Variants in VPS13A observed in about 807,000 individuals in gnomAD.
VPS13A encodes the protein vacuolar protein sorting 13 homolog A.
VPS13A carries 264 observed loss-of-function variants against 390.9 expected under a neutral mutation model. The observed-to-expected ratio is 0.68, with a 90% CI of 0.61 to 0.75. VPS13A has a LOEUF of 0.75. Among genes scored for constraint, VPS13A ranks in the 30% least tolerant of loss-of-function variants. The probability of loss-of-function intolerance (pLI) is 0.00; values close to 1 mark genes in which losing one functional copy is unlikely to be tolerated. For missense variants in VPS13A, 3,409 were observed against 3,733.9 expected, an observed-to-expected ratio of 0.91 and a Z score of 2.27; for synonymous variants, 1,231 against 1,227.1, an observed-to-expected ratio of 1.00 and a Z score of -0.07.
At chr9:77,399,396 C>A (rs1251099534) in intron 68 of VPS13A, among the ~76,000 whole-genome samples, 1 of 151,998 alleles carries the variant, frequency 6.6e-6, no homozygotes, top group Non-Finnish European at 1.5e-5. Flanking sequence ...CTTATATGCA[C>A]AGATTAGATT....
At chr9:77,178,995 A>G (rs1349179520) in intron 1 of VPS13A, among the ~76,000 whole-genome samples, 1 of 152,202 alleles carries the variant, frequency 6.6e-6, no homozygotes, top group Non-Finnish European at 1.5e-5. Context: ...GAGTGAGTGG[A>G]CTACAAAAGC....
intron 47 of VPS13A, chr9:77,337,783 A>G: frequency 2.5e-6 from 1 of 403,172 alleles, no homozygotes. Flanking sequence ...TGATTTTCTT[A>G]AAAGATTGTA....
chr9:77,299,239 C>T (rs1347648511), intron 33 of VPS13A, among the ~76,000 whole-genome samples: 2 of 152,172 alleles, frequency 1.3e-5, no homozygotes, highest in East Asian at 1.9e-4. Context: ...CTTGGCTATA[C>T]GGGCTCTTTT....
At chr9:77,341,744 A>T (rs1054982416) in intron 50 of VPS13A, among the ~76,000 whole-genome samples, 1 of 67,380 alleles carries the variant, frequency 1.5e-5, no homozygotes. Flanking sequence ...CTGAACTACT[A>T]TTTAAGTCTT....
In VPS13A at chr9:77,315,118, A is replaced by T. The variant is rs1365742234; in HGVS notation, c.4413-135A>T. 11 of 755,676 alleles carry T rather than the reference A, an allele frequency of 1.5e-5. No homozygotes were observed. In the East Asian group the frequency reaches 2.4e-4, roughly 16 times the overall value. 46.8% of individuals were successfully genotyped at this position (755,676 alleles called of 1,614,324 possible). On this transcript the variant is annotated intron_variant, in intron 37 of 71. Transcript: ENST00000360280. ...GTTTGTTATTTGGAACACTTTATGG[A>T]TCTTCCCAAGAGACATGACTTCAGA...
intron 11 of VPS13A, 24 bp from the exon 12 acceptor site, chr9:77,220,253 G>C: frequency 6.3e-7 from 1 of 1,590,190 alleles, no homozygotes; most frequent in Non-Finnish European, 8.6e-7. Flanking sequence ...ATACATTTAA[G>C]AGCTTTAATT....
chr9:77,306,931 G>A (rs1442091391), intron 34 of VPS13A, among the ~76,000 whole-genome samples: 1 of 137,988 alleles, frequency 7.2e-6, no homozygotes. Flanking sequence ...TTTTTTTTGA[G>A]ACAGAGTCTC....
intron 29 of VPS13A, among the ~76,000 whole-genome samples, chr9:77,282,932 G>A (rs999668035): frequency 2.0e-5 from 3 of 151,390 alleles, no homozygotes; most frequent in Non-Finnish European, 2.9e-5. Flanking sequence ...CTCCATCCTG[G>A]GTAACAGAGA....
At chr9:77,212,240 C>A (rs1039466213) in intron 7 of VPS13A, among the ~76,000 whole-genome samples, 1 of 152,106 alleles carries the variant, frequency 6.6e-6, no homozygotes, top group Admixed American at 6.5e-5. Context: ...TTTAAACCGA[C>A]CCCAGGCAAT....
chr9:77,281,755 A>ATATG, intron 27 of VPS13A, 112 bp from the exon 28 acceptor site: 1 of 598,994 alleles, frequency 1.7e-6, no homozygotes, highest in Non-Finnish European at 3.0e-6. Flanking sequence ...ATATATATAT[A>ATATG]TATGTATATG....
chr9:77,231,978 G>A (rs894693996), intron 17 of VPS13A, among the ~76,000 whole-genome samples: 30 of 152,214 alleles, frequency 2.0e-4, no homozygotes, highest in African/African-American at 7.2e-4. Context: ...GGATATCCCG[G>A]TGTCCCCTCA....
chr9:77,207,485 G>T (rs1825749780), intron 5 of VPS13A, among the ~76,000 whole-genome samples: 1 of 149,740 alleles, frequency 6.7e-6, no homozygotes, highest in Non-Finnish European at 1.5e-5. Flanking sequence ...CACATTTTTG[G>T]TTAAATCAGA....
At chr9:77,207,146 G>C (rs1825680255) in intron 5 of VPS13A, among the ~76,000 whole-genome samples, 1 of 136,208 alleles carries the variant, frequency 7.3e-6, no homozygotes, top group Non-Finnish European at 1.6e-5. Context: ...AACTGTTCCT[G>C]GCCCAGGCCC....
chr9:77,286,872 C>T (rs1827352639), intron 31 of VPS13A, among the ~76,000 whole-genome samples: 1 of 152,076 alleles, frequency 6.6e-6, no homozygotes, highest in Non-Finnish European at 1.5e-5. Context: ...GTGGAGGCCT[C>T]ATCATTTAGT....
At chr9:77,278,228 G>A (rs1001353719) in intron 26 of VPS13A, among the ~76,000 whole-genome samples, 6 of 143,168 alleles carry the variant, frequency 4.2e-5, no homozygotes, top group East Asian at 2.1e-4. Context: ...CCGCCACCAC[G>A]CCCAGCTAAT....
chr9:77,346,661 C>T (rs895010400), intron 52 of VPS13A, among the ~76,000 whole-genome samples: 11 of 152,280 alleles, frequency 7.2e-5, no homozygotes, highest in African/African-American at 2.4e-4. Flanking sequence ...TCAGGTTCTA[C>T]ATTTAAGTCT....
chr9:77,375,038 C>A (rs1013932039), intron 67 of VPS13A, among the ~76,000 whole-genome samples: 2 of 152,082 alleles, frequency 1.3e-5, no homozygotes, highest in African/African-American at 4.8e-5. Context: ...TTCTCCTCTA[C>A]CTGTAACTTT....
At chr9:77,231,425 A>G (rs1823826324) in intron 17 of VPS13A, among the ~76,000 whole-genome samples, 1 of 152,090 alleles carries the variant, frequency 6.6e-6, no homozygotes, top group African/African-American at 2.4e-5. Context: ...TTTCCATATC[A>G]TTCCCAACAC....
chr9:77,237,012 C>G (rs1424123001), intron 17 of VPS13A, among the ~76,000 whole-genome samples: 1 of 152,092 alleles, frequency 6.6e-6, no homozygotes, highest in African/African-American at 2.4e-5. Flanking sequence ...GCCTCAGGCT[C>G]CCGAGTAGCT....
Sources: gnomAD v4.1 joint callset for allele counts (sites outside exome capture counted in the v4.1 genomes callset) on GRCh38, gnomAD v4.1.1 for gene constraint, MANE v1.5 for transcripts, NCBI Gene and HGNC (gene_info 2026-07-23, HGNC 2026-07-21) for gene names.